DTNB: variants seen among roughly 807,000 people sequenced by gnomAD.
The protein encoded by DTNB is dystrobrevin beta.
A neutral mutation model predicts 90.7 loss-of-function variants in DTNB; 63 were observed. The ratio of observed to expected loss-of-function variants is 0.69; its 90% confidence interval spans 0.57 to 0.86. The LOEUF (loss-of-function observed/expected upper bound fraction) is 0.86, where lower values mean the gene tolerates loss of function less well. Ranked by LOEUF, DTNB falls within the 40% of genes least tolerant of loss-of-function variation. DTNB has a pLI of 0.00. For missense variants in DTNB, 744 were observed against 807.1 expected (o/e 0.92, Z 0.95); for synonymous variants, 277 against 286.7 (o/e 0.97, Z 0.34).
At chr2:25,491,945 G>C (rs2067602036) in intron 9 of DTNB, among the ~76,000 whole-genome samples, 1 of 151,732 alleles carries the variant, frequency 6.6e-6, no homozygotes, top group East Asian at 1.9e-4. Context: ...ATGTTTTTGA[G>C]GTCACAGAGC....
intron 9 of DTNB, among the ~76,000 whole-genome samples, chr2:25,502,450 G>C (rs562146524): frequency 1.3e-5 from 2 of 152,176 alleles, no homozygotes; most frequent in South Asian, 4.2e-4. Context: ...GTCCAGACTG[G>C]GGCTTGGCAC....
chr2:25,617,804 T>C (rs189302612), intron 4 of DTNB, among the ~76,000 whole-genome samples: 20 of 152,036 alleles, frequency 1.3e-4, no homozygotes, highest in African/African-American at 4.8e-4. Context: ...CTTGAACCCA[T>C]GAGGTGGAGG....
At chr2:25,569,867 C>T (rs908417557) in intron 8 of DTNB, among the ~76,000 whole-genome samples, 3 of 151,784 alleles carry the variant, frequency 2.0e-5, no homozygotes, top group Non-Finnish European at 2.9e-5. Context: ...AAGGCCGAGG[C>T]GGGCAGATCA....
At chr2:25,554,838 A>T (rs1303785763) in intron 8 of DTNB, among the ~76,000 whole-genome samples, 1 of 152,218 alleles carries the variant, frequency 6.6e-6, no homozygotes, top group Non-Finnish European at 1.5e-5. Flanking sequence ...CAACACCATA[A>T]ATTATGAATG....
chr2:25,404,311 A>T (rs927239833), intron 16 of DTNB, among the ~76,000 whole-genome samples: 7 of 152,172 alleles, frequency 4.6e-5, no homozygotes, highest in African/African-American at 1.7e-4. Context: ...TAAGTTTGGT[A>T]GAAGAGGTGG....
rs190959083 is a variant in DTNB at position 25,661,445 on chromosome 2, A to C, written c.-1-8784T>G. ...GTTGCACATAATAACTCAAGACTAA[A>C]CTATAATATCTAAGGATCCACAGTT... is the stretch of plus-strand genomic sequence containing the variant. On this transcript the variant is annotated intron_variant, in intron 1 of 20. Coordinates refer to ENST00000406818, the MANE Select transcript of DTNB (RefSeq NM_021907.5). Among the ~76,000 whole-genome samples, 187 of 152,370 alleles carry C rather than the reference A, an allele frequency of 1.2e-3. 2 individuals carry two copies. Among genetic ancestry groups the C allele is most frequent in the Admixed American group, 6.7e-3 (103 of 15,306 alleles).
intron 8 of DTNB, among the ~76,000 whole-genome samples, chr2:25,536,352 C>G (rs546882201): frequency 2.6e-5 from 4 of 152,196 alleles, no homozygotes; most frequent in African/African-American, 9.6e-5. Context: ...CCAAGGCAGG[C>G]AGCTGGGAGG....
At chr2:25,580,332 C>T (rs1212339812) in intron 7 of DTNB, among the ~76,000 whole-genome samples, 1 of 151,716 alleles carries the variant, frequency 6.6e-6, no homozygotes, top group Non-Finnish European at 1.5e-5. Context: ...ATCAGCCTGG[C>T]CAGCATAGTG....
At chr2:25,648,368 T>C (rs13406900) in intron 2 of DTNB, among the ~76,000 whole-genome samples, 6,775 of 152,228 alleles carry the variant, frequency 0.045, 394 homozygotes, top group African/African-American at 0.14. Flanking sequence ...AATAAGCTAA[T>C]TTCATCGCTG....
intron 10 of DTNB, among the ~76,000 whole-genome samples, chr2:25,458,488 A>G (rs964089650): frequency 2.0e-5 from 3 of 151,048 alleles, no homozygotes; most frequent in Non-Finnish European, 4.4e-5. Flanking sequence ...TCTTTTTTTT[A>G]GGCAGGGTCT....
chr2:25,655,698 G>A (rs532697891), intron 1 of DTNB, among the ~76,000 whole-genome samples: 1 of 152,298 alleles, frequency 6.6e-6, no homozygotes, highest in African/African-American at 2.4e-5. Flanking sequence ...TCCCGGAACT[G>A]CATGGCAAGG....
chr2:25,665,340 T>C (rs1412350912), intron 1 of DTNB, among the ~76,000 whole-genome samples: 1 of 152,160 alleles, frequency 6.6e-6, no homozygotes, highest in East Asian at 1.9e-4. Flanking sequence ...AAGAAGTCAG[T>C]GAGGGGCCAG....
At chr2:25,534,660 G>T (rs1055852375) in intron 8 of DTNB, among the ~76,000 whole-genome samples, 1 of 138,100 alleles carries the variant, frequency 7.2e-6, no homozygotes, top group Non-Finnish European at 1.6e-5. Context: ...CTCCCAGACG[G>T]GGTGGCGGCC....
At chr2:25,620,392 CAGGAG>C (rs955723902) in intron 4 of DTNB, among the ~76,000 whole-genome samples, 7 of 152,132 alleles carry the variant, frequency 4.6e-5, no homozygotes, top group Admixed American at 4.6e-4. Flanking sequence ...ACTGAATGGA[CAGGAG>C]AAGTCTCTCT....
At chr2:25,452,444 A>C (rs1178246952) in intron 11 of DTNB, among the ~76,000 whole-genome samples, 1 of 152,230 alleles carries the variant, frequency 6.6e-6, no homozygotes, top group Admixed American at 6.5e-5. Flanking sequence ...CTGTGGCTAT[A>C]TAATTCTCTG....
chr2:25,585,705 C>T (rs948277104), intron 6 of DTNB, among the ~76,000 whole-genome samples: 3 of 152,216 alleles, frequency 2.0e-5, no homozygotes, highest in Non-Finnish European at 2.9e-5. Context: ...TACCCATTGC[C>T]TTATCATTTA....
At position 25,628,202 on chromosome 2, in the gene DTNB, G is replaced by A. The variant is rs774965770; in HGVS notation, c.331C>T (p.Leu111Phe). 35 of 1,613,766 alleles carry A rather than the reference G, an allele frequency of 2.2e-5. No homozygotes were observed. Among genetic ancestry groups the A allele is most frequent in the Non-Finnish European group, 2.9e-5 (34 of 1,179,874 alleles). The change falls in exon 4 of 21, where the codon CTC becomes TTC. Residue 111 changes from leucine to phenylalanine, a missense_variant. Transcript: ENST00000406818. Reference sequence around the variant, plus strand: ...TATGCAGCAATCATAAAGTTGAGGAGGAGGCTGATAGATTGTTCCACACTA... The same window carrying A: ...TATGCAGCAATCATAAAGTTGAGGAAGAGGCTGATAGATTGTTCCACACTA... ...QISVEQSISL[L>F]LNFMIAAYDS...
intron 2 of DTNB, among the ~76,000 whole-genome samples, chr2:25,643,946 C>A (rs759371089): frequency 5.3e-5 from 8 of 152,168 alleles, no homozygotes; most frequent in Non-Finnish European, 1.2e-4. Flanking sequence ...CCACCTAAAA[C>A]CCACCAAAAC....
intron 9 of DTNB, among the ~76,000 whole-genome samples, chr2:25,487,439 G>A (rs1405647935): frequency 1.3e-5 from 2 of 152,186 alleles, no homozygotes; most frequent in Non-Finnish European, 2.9e-5. Flanking sequence ...GGGAGTATGC[G>A]CATAGGTTAT....
Sources: allele counts gnomAD v4.1 joint callset (sites outside exome capture counted in the v4.1 genomes callset), GRCh38; gene constraint gnomAD v4.1.1; transcripts MANE v1.5; gene names NCBI Gene and HGNC (gene_info 2026-07-23, HGNC 2026-07-21).